Variants in DOCK4 observed in about 807,000 individuals in gnomAD.
DOCK4 encodes the protein dedicator of cytokinesis protein 4.
Under a neutral mutation model 268.1 loss-of-function variants are expected in DOCK4, and 97 were observed. The ratio of observed to expected loss-of-function variants is 0.36; its 90% confidence interval spans 0.31 to 0.43. The LOEUF is 0.43. Among genes scored for constraint, DOCK4 ranks in the 20% least tolerant of loss-of-function variants. DOCK4 has a pLI of 1.00. For synonymous variants in DOCK4, 954 were observed against 887.2 expected, an observed-to-expected ratio of 1.08 and a Z score of -1.34; for missense variants, 2,145 against 2,455.7, an observed-to-expected ratio of 0.87 and a Z score of 2.67.
intron 1 of DOCK4, among the ~76,000 whole-genome samples, chr7:112,101,143 A>G (rs1271684805): frequency 1.3e-5 from 2 of 152,222 alleles, no homozygotes; most frequent in Non-Finnish European, 2.9e-5. Context: ...ATAATGGTCA[A>G]CAACCCGTCA....
rs116156172 is a variant in DOCK4 at position 112,108,444 on chromosome 7, C to T, written c.37+97658G>A. ...AGCCAAGGAGACACTCACTCTCCCTCTGAATTAAAATTTCTACTTCAATGA... is the reference window on the plus strand; with the variant it reads ...AGCCAAGGAGACACTCACTCTCCCTTTGAATTAAAATTTCTACTTCAATGA... On this transcript the variant is annotated intron_variant, in intron 1 of 52. Coordinates refer to ENST00000428084, the MANE Select transcript of DOCK4 (RefSeq NM_001363540.2). Among the ~76,000 whole-genome samples the T allele has an allele frequency of 2.5e-3, 377 of 152,288 alleles. 2 individuals carry two copies. Among genetic ancestry groups the T allele is most frequent in the African/African-American group, 8.6e-3 (359 of 41,570 alleles).
intron 1 of DOCK4, among the ~76,000 whole-genome samples, chr7:112,185,360 G>C (rs1456900525): frequency 6.6e-6 from 1 of 152,160 alleles, no homozygotes; most frequent in East Asian, 1.9e-4. Flanking sequence ...CAAACAAATA[G>C]CACTGGTCAC....
chr7:111,946,308 TGG>T (rs1795614800), intron 8 of DOCK4, among the ~76,000 whole-genome samples: 1 of 152,204 alleles, frequency 6.6e-6, no homozygotes, highest in South Asian at 2.1e-4. Flanking sequence ...AAATTTTCTT[TGG>T]TCAACAAACG....
intron 41 of DOCK4, among the ~76,000 whole-genome samples, chr7:111,757,816 A>G (rs960161921): frequency 6.6e-6 from 1 of 152,206 alleles, no homozygotes; most frequent in Admixed American, 6.5e-5. Context: ...ATCTGTGATG[A>G]AAAATGCTAA....
intron 26 of DOCK4, among the ~76,000 whole-genome samples, chr7:111,828,903 T>C (rs1467500140): frequency 2.7e-5 from 4 of 150,404 alleles, no homozygotes; most frequent in Non-Finnish European, 4.4e-5. Context: ...TATATATATA[T>C]ATATGTATAT....
intron 1 of DOCK4, among the ~76,000 whole-genome samples, chr7:112,020,455 CT>C (rs1445833240): frequency 6.6e-6 from 1 of 152,082 alleles, no homozygotes; most frequent in Non-Finnish European, 1.5e-5. Flanking sequence ...ACTTAATGCC[CT>C]TCATGCAGTC....
intron 1 of DOCK4, among the ~76,000 whole-genome samples, chr7:112,106,826 G>C (rs1811182626): frequency 6.6e-6 from 1 of 152,166 alleles, no homozygotes; most frequent in Non-Finnish European, 1.5e-5. Flanking sequence ...GAGTTTATAA[G>C]AATGAGAGAA....
chr7:111,839,741 G>A (rs934807250), intron 25 of DOCK4, among the ~76,000 whole-genome samples: 3 of 152,176 alleles, frequency 2.0e-5, no homozygotes, highest in East Asian at 1.9e-4. Context: ...CTGTTAGGAG[G>A]CCTAGATGTC....
intron 1 of DOCK4, among the ~76,000 whole-genome samples, chr7:112,062,646 G>A (rs1222520007): frequency 6.6e-6 from 1 of 152,218 alleles, no homozygotes; most frequent in East Asian, 1.9e-4. Flanking sequence ...TATGATTTCT[G>A]CTGTGTCCTT....
chr7:111,900,909 A>G (rs1791086823), intron 14 of DOCK4, among the ~76,000 whole-genome samples: 1 of 152,216 alleles, frequency 6.6e-6, no homozygotes, highest in Non-Finnish European at 1.5e-5. Context: ...TTAAATGGGC[A>G]ACTGTATGTC....
chr7:111,983,862 G>GCGCGCACACACACACACACACACA, intron 7 of DOCK4, among the ~76,000 whole-genome samples: 121 of 138,628 alleles, frequency 8.7e-4, no homozygotes, highest in South Asian at 1.5e-3. Context: ...GCGCGCGCGC[G>GCGCGCACACACACACACACACACA]CACACACACA....
intron 5 of DOCK4, among the ~76,000 whole-genome samples, chr7:111,991,948 G>A (rs1034088432): frequency 1.3e-4 from 13 of 101,778 alleles, no homozygotes; most frequent in Admixed American, 3.0e-4. Flanking sequence ...GCAACAGAGA[G>A]AGACTCTGTC....
intron 1 of DOCK4, among the ~76,000 whole-genome samples, chr7:112,074,249 A>G (rs186763258): frequency 2.5e-4 from 38 of 152,318 alleles, no homozygotes; most frequent in African/African-American, 8.7e-4. Context: ...CAGGATTAAT[A>G]TTTTTGCAGC....
At chr7:111,906,309 G>A (rs1036250558) in intron 13 of DOCK4, among the ~76,000 whole-genome samples, 1 of 152,056 alleles carries the variant, frequency 6.6e-6, no homozygotes, top group African/African-American at 2.4e-5. Flanking sequence ...ACAATATGAA[G>A]AAAGGACTCA....
intron 1 of DOCK4, among the ~76,000 whole-genome samples, chr7:112,130,759 A>C (rs2116094349): frequency 6.6e-6 from 1 of 152,360 alleles, no homozygotes; most frequent in African/African-American, 2.4e-5. Flanking sequence ...GAGGCTGAGT[A>C]AAAATACAGA....
At chr7:111,919,005 G>A (rs1156658005) in intron 12 of DOCK4, among the ~76,000 whole-genome samples, 1 of 152,008 alleles carries the variant, frequency 6.6e-6, no homozygotes. Flanking sequence ...AAAAAACAAA[G>A]AGATCATGCT....
chr7:112,059,774 T>C (rs989450227), intron 1 of DOCK4, among the ~76,000 whole-genome samples: 28 of 152,180 alleles, frequency 1.8e-4, no homozygotes, highest in African/African-American at 6.0e-4. Context: ...TAAGCAGTTA[T>C]AGAGACATTT....
chr7:111,788,611 G>T, intron 32 of DOCK4, 51 bp downstream of exon 32: 1 of 1,475,102 alleles, frequency 6.8e-7, no homozygotes, highest in South Asian at 1.2e-5. Flanking sequence ...GCTCAGTACT[G>T]ACACCAAATC....
intron 1 of DOCK4, among the ~76,000 whole-genome samples, chr7:112,054,487 T>C (rs1805646238): frequency 6.6e-6 from 1 of 152,100 alleles, no homozygotes; most frequent in Non-Finnish European, 1.5e-5. Context: ...ACAAAAATCA[T>C]GACTATATTA....
Sources: gnomAD v4.1 joint callset for allele counts (sites outside exome capture counted in the v4.1 genomes callset) on GRCh38, gnomAD v4.1.1 for gene constraint, MANE v1.5 for transcripts, NCBI Gene and HGNC (gene_info 2026-07-23, HGNC 2026-07-21) for gene names.